The following UGT1A10 variants were observed in gnomAD, a reference collection of about 807,000 sequenced individuals.
UGT1A10 encodes UDP glucuronosyltransferase family 1 member A10, also known as UDP-glucuronosyltransferase 1A10.
UGT1A10 carries 49 observed loss-of-function variants against 45.8 expected under a neutral mutation model. The observed-to-expected ratio is 1.07, with a 90% CI of 0.85 to 1.36. UGT1A10 has a LOEUF of 1.36. Among genes scored for constraint, UGT1A10 ranks in the 40% most tolerant of loss-of-function variants. The pLI is 0.00. For synonymous variants in UGT1A10, 284 were observed against 249.7 expected, an observed-to-expected ratio of 1.14 and a Z score of -1.29; for missense variants, 745 against 668.6, an observed-to-expected ratio of 1.11 and a Z score of -1.26.
chr2:233,747,703 AC>A, intron 1 of UGT1A10: 1 of 1,612,262 alleles, frequency 6.2e-7, no homozygotes, highest in Non-Finnish European at 8.5e-7. Context: ...CTGGCTAAGT[AC>A]CTATCAATTC....
chr2:233,719,576 A>G, intron 1 of UGT1A10: 1 of 1,613,934 alleles, frequency 6.2e-7, no homozygotes, highest in East Asian at 2.2e-5. Context: ...TCAGCTATGC[A>G]TCCGTGTGGC....
chr2:233,729,156 G>A (rs397978902), intron 1 of UGT1A10: 62 of 1,613,462 alleles, frequency 3.8e-5, no homozygotes, highest in East Asian at 8.9e-5. Flanking sequence ...TTCCCCTGCC[G>A]TGGCTGGCCA....
chr2:233,654,812 C>A (rs1488580020), intron 1 of UGT1A10, among the ~76,000 whole-genome samples: 1 of 152,166 alleles, frequency 6.6e-6, no homozygotes, highest in Non-Finnish European at 1.5e-5. Flanking sequence ...AGAAATAAGG[C>A]CCAGCACAGT....
At chr2:233,673,994 T>C (rs1373102552) in intron 1 of UGT1A10, among the ~76,000 whole-genome samples, 2 of 152,320 alleles carry the variant, frequency 1.3e-5, no homozygotes, top group Non-Finnish European at 2.9e-5. Context: ...CACTTGTGAT[T>C]GAAAAGTCCA....
chr2:233,678,261 A>T (rs2074412967), intron 1 of UGT1A10, among the ~76,000 whole-genome samples: 1 of 152,216 alleles, frequency 6.6e-6, no homozygotes, highest in South Asian at 2.1e-4. Context: ...CATCAGCATC[A>T]CACAATATAC....
At chr2:233,693,078 T>C (rs751253746) in intron 1 of UGT1A10, 2 of 1,614,188 alleles carry the variant, frequency 1.2e-6, no homozygotes, top group South Asian at 2.2e-5. Flanking sequence ...GGCATGGTTG[T>C]AGGTGACAAG....
chr2:233,769,464 CGTGT>C lies in UGT1A10; in HGVS notation c.1295+1037_1295+1040del, dbSNP rs145239529. ...GGGTGCACACGTGTGCATTCATATG[CGTGT>C]GTGTGTGTGTGCGTGTGTTTATGAG... On this transcript the variant is annotated intron_variant, in intron 4 of 4. Coordinates refer to ENST00000344644, the MANE Select transcript of UGT1A10 (RefSeq NM_019075.4). This position sits in a 1 kb window ranked among gnomAD's most constrained non-coding sequence, Gnocchi z 4.4. The C allele has an allele frequency of 5.3e-6, 8 of 1,502,902 alleles. No individual in the cohort carries two copies. The highest frequency in any genetic ancestry group is 6.4e-6 in the Non-Finnish European group (7 of 1,095,102). The allele number at this position is 1,502,902 out of a possible 1,614,324, so 93.1% of individuals were successfully genotyped here.
At chr2:233,759,349 A>C (rs900901642) in intron 1 of UGT1A10, among the ~76,000 whole-genome samples, 1 of 152,146 alleles carries the variant, frequency 6.6e-6, no homozygotes, top group African/African-American at 2.4e-5. Context: ...GAGCGCTGAA[A>C]ATCTCAACTA....
intron 1 of UGT1A10, among the ~76,000 whole-genome samples, chr2:233,676,504 A>G (rs958532321): frequency 5.3e-5 from 8 of 152,198 alleles, no homozygotes; most frequent in Admixed American, 4.6e-4. Context: ...TAAAAGCTAA[A>G]GTCTGTTTCC....
chr2:233,762,134 T>C (rs1697981435), intron 1 of UGT1A10, among the ~76,000 whole-genome samples: 1 of 152,212 alleles, frequency 6.6e-6, no homozygotes, highest in African/African-American at 2.4e-5. Flanking sequence ...TGTGGGGACC[T>C]GTGTGACTTT....
intron 1 of UGT1A10, among the ~76,000 whole-genome samples, chr2:233,651,874 T>A (rs2073750565): frequency 6.6e-6 from 1 of 151,958 alleles, no homozygotes; most frequent in Non-Finnish European, 1.5e-5. Flanking sequence ...TTCCTGAAGG[T>A]CTCCAGTAGC....
At chr2:233,747,265 C>T in intron 1 of UGT1A10, 1 of 1,599,630 alleles carries the variant, frequency 6.3e-7, no homozygotes, top group Non-Finnish European at 8.5e-7. Context: ...AGGAGTGCTA[C>T]TCCTTCTCAG....
chr2:233,668,765 A>G (rs145021220), intron 1 of UGT1A10, among the ~76,000 whole-genome samples: 38 of 152,350 alleles, frequency 2.5e-4, no homozygotes, highest in Admixed American at 9.1e-4. Context: ...ATTATGTTGA[A>G]CCAAAGTCTA....
intron 1 of UGT1A10, among the ~76,000 whole-genome samples, chr2:233,716,238 T>C (rs17863791): frequency 0.1 from 15,440 of 152,242 alleles, 905 homozygotes; most frequent in East Asian, 0.2. Context: ...TACATTGTCC[T>C]GCCCGGACAT....
Position 233,743,999 on chromosome 2 carries a change from G to A in UGT1A10, c.856-23035G>A, listed in dbSNP as rs981482683. On this transcript the variant is annotated intron_variant, in intron 1 of 4. Coordinates refer to ENST00000344644, the MANE Select transcript of UGT1A10 (RefSeq NM_019075.4). The stretch of plus-strand genomic sequence containing the variant: ...CACCCAGGCGCAGGCCCGAGTGCTC[G>A]GAGACCTGGGCCGCCTGGAGAGACG... The A allele has an allele frequency of 1.1e-4, 135 of 1,220,038 alleles. 4 individuals carry two copies. The African/African-American group carries it at 1.5e-3, about 14-fold the overall frequency. The allele number at this position is 1,220,038 out of a possible 1,614,324, so 75.6% of individuals were successfully genotyped here. A position where few individuals can be genotyped will look rare whatever the true frequency, so the allele number is the denominator to read the frequency against.
Position 233,769,582 on chromosome 2 carries a change from T to G in UGT1A10, c.1295+1143T>G. The G allele has an allele frequency of 6.2e-7, 1 of 1,612,842 alleles. No homozygotes were observed. Among genetic ancestry groups the G allele is most frequent in the Admixed American group, 1.7e-5 (1 of 60,012 alleles). ...TGTGAAGAGCTGGAGCATGTTCAGA[T>G]GAGAGGAGACGGAACACGGGGACAC... On this transcript the variant is annotated intron_variant, in intron 4 of 4. Coordinates refer to ENST00000344644, the MANE Select transcript of UGT1A10 (RefSeq NM_019075.4). This position sits in a 1 kb window ranked among gnomAD's most constrained non-coding sequence, Gnocchi z 4.4.
intron 1 of UGT1A10, among the ~76,000 whole-genome samples, chr2:233,643,995 C>T (rs566871285): frequency 2.6e-5 from 4 of 152,272 alleles, no homozygotes; most frequent in Admixed American, 2.0e-4. Context: ...TTTGGAGCCG[C>T]AAGCTGTGCA....
At chr2:233,721,228 G>A (rs2076928713) in intron 1 of UGT1A10, among the ~76,000 whole-genome samples, 1 of 152,140 alleles carries the variant, frequency 6.6e-6, no homozygotes, top group Non-Finnish European at 1.5e-5. Context: ...ATGCAATGTA[G>A]TTACTGAATT....
chr2:233,656,023 C>T (rs1205688240), intron 1 of UGT1A10, among the ~76,000 whole-genome samples: 1 of 152,068 alleles, frequency 6.6e-6, no homozygotes, highest in Non-Finnish European at 1.5e-5. Flanking sequence ...AGCATGACCT[C>T]TGGCAAATAC....
Sources: gnomAD v4.1 joint callset for allele counts (sites outside exome capture counted in the v4.1 genomes callset) on GRCh38, gnomAD v4.1.1 for gene constraint, Gnocchi (gnomAD v3.1) non-coding constraint, MANE v1.5 for transcripts, NCBI Gene and HGNC (gene_info 2026-07-23, HGNC 2026-07-21) for gene names.